Variants in SETD1B observed in about 807,000 individuals in gnomAD.
The protein encoded by SETD1B is histone-lysine N-methyltransferase SETD1B.
In SETD1B, 7 loss-of-function variants were observed where a neutral mutation model predicts 148.0. That is an observed-to-expected ratio of 0.05 (90% CI 0.03 to 0.09). The LOEUF is 0.09. Among genes scored for constraint, SETD1B ranks in the 10% least tolerant of loss-of-function variants. The probability of loss-of-function intolerance (pLI) is 1.00; values close to 1 mark genes in which losing one functional copy is unlikely to be tolerated. For synonymous variants in SETD1B, 1,361 were observed against 1,186.5 expected, an observed-to-expected ratio of 1.15 and a Z score of -3.02; for missense variants, 2,155 against 2,729.9, an observed-to-expected ratio of 0.79 and a Z score of 4.69.
At position 121,822,829 on chromosome 12, in the gene SETD1B, T is replaced by G. The variant is rs1342415238; in HGVS notation, c.4250T>G (p.Leu1417Trp). Residue 1417 changes from leucine (L) to tryptophan (W), a missense_variant, in exon 12 of 17, where the codon TTG (leucine) becomes TGG (tryptophan). By Grantham distance (61) the Leu-to-Trp change is moderately conservative (BLOSUM62 -2). This residue lies in a region of SETD1B where 862 missense variants were observed against 873.8 expected (regional missense o/e 0.99). Transcript: ENST00000604567. ...PFSYPAPSPS[L>W]SSGGLPRTPG... The stretch of plus-strand genomic sequence containing the variant: ...TCCTACCCAGCCCCGTCCCCTAGCT[T>G]GAGCAGTGGGGGCCTCCCTCGGACA... The G allele has an allele frequency of 4.7e-6, 7 of 1,495,990 alleles. No homozygotes were observed. The highest frequency in any genetic ancestry group is 6.3e-6 in the Non-Finnish European group (7 of 1,116,816). 92.7% of individuals were successfully genotyped at this position (1,495,990 alleles called of 1,614,324 possible). A position where few individuals can be genotyped will look rare whatever the true frequency, so the allele number is the denominator to read the frequency against.
chr12:121,832,390 C>G lies in SETD1B; in HGVS notation c.*2151C>G, dbSNP rs1877136482. 6.5e-6 allele frequency: 1 copy of G among 153,586 alleles called. No homozygotes were observed. The highest frequency in any genetic ancestry group is 1.5e-5 in the Non-Finnish European group (1 of 68,788). 9.5% of individuals were successfully genotyped at this position (153,586 alleles called of 1,614,324 possible). ...TTCAACTCCCTCATTTTTCATTGAA[C>G]AAATCTCTGCTTTTCAAGAGTTGGG... On this transcript the variant is annotated 3_prime_UTR_variant, in exon 17 of 17. Transcript: ENST00000604567.
At position 121,823,167 on chromosome 12, in the gene SETD1B, C is replaced by G; in HGVS notation, c.4588C>G (p.Leu1530Val). Residue 1530 changes from leucine to valine, a missense_variant, in exon 12 of 17, where the codon CTC becomes GTC. By Grantham distance (32) the Leu-to-Val change is conservative. Around this residue, in one of 11 missense-constraint regions of SETD1B, gnomAD observed 862 missense variants for 873.8 expected, o/e 0.99. Transcript: ENST00000604567. ...GCCCCGGCGATCCCCACCATCTATGCTCTCCTTGGATGGGCCCTTGGTCCG... is the reference window on the plus strand; with the variant it reads ...GCCCCGGCGATCCCCACCATCTATGGTCTCCTTGGATGGGCCCTTGGTCCG... ...GRPRRSPPSM[L>V]SLDGPLVRPP... 6.5e-7 allele frequency: 1 copy of G among 1,543,448 alleles called. No individual in the cohort carries two copies. Among genetic ancestry groups the G allele is most frequent in the African/African-American group, 1.4e-5 (1 of 72,686 alleles).
intron 6 of SETD1B, among the ~76,000 whole-genome samples, chr12:121,811,233 A>AGGG (rs1422859284): frequency 6.6e-6 from 1 of 152,180 alleles, no homozygotes; most frequent in Non-Finnish European, 1.5e-5. Flanking sequence ...GGGAATGATC[A>AGGG]GGGAGAGTCC....
chr12:121,826,114 T>A (rs1876828655), intron 13 of SETD1B, among the ~76,000 whole-genome samples: 1 of 152,164 alleles, frequency 6.6e-6, no homozygotes, highest in Non-Finnish European at 1.5e-5. Context: ...TCTCACTCTG[T>A]AGCCCAAGCT....
chr12:121,806,189 C>G, intron 4 of SETD1B, 84 bp downstream of exon 4: 2 of 1,426,958 alleles, frequency 1.4e-6, no homozygotes, highest in Non-Finnish European at 1.9e-6. Flanking sequence ...TGGGGAGGAC[C>G]CCCCCTCACT....
Position 121,831,766 on chromosome 12 carries a change from CT to C in SETD1B, c.*1528del, listed in dbSNP as rs1360466022. The C allele has an allele frequency of 6.6e-6, 1 of 152,248 alleles. No individual in the cohort carries two copies. The highest frequency in any genetic ancestry group is 1.5e-5 in the Non-Finnish European group (1 of 68,046). The allele number at this position is 152,248 out of a possible 1,614,324, so 9.4% of individuals were successfully genotyped here. A position where few individuals can be genotyped will look rare whatever the true frequency, so the allele number is the denominator to read the frequency against. ...GCTCCATGAGGGAGCTGCTCCCACC[CT>C]GCGGACGCAGGCGGCCGGAGCCTCT... On this transcript the variant is annotated 3_prime_UTR_variant, in exon 17 of 17. Transcript: ENST00000604567.
the SETD1B span, among the ~76,000 whole-genome samples, chr12:121,790,307 CTG>C: frequency 5.3e-5 from 8 of 152,270 alleles, no homozygotes; most frequent in Non-Finnish European, 4.4e-5. Flanking sequence ...CCTTCCGCCA[CTG>C]TGTGTGGCCC....
upstream of SETD1B, chr12:121,799,717 T>TGGGGGGGGGGGGGGGG (rs1456064145): frequency 7.3e-4 from 14 of 19,134 alleles, 1 homozygote; most frequent in Admixed American, 1.2e-3. Flanking sequence ...CGCTCGCAGC[T>TGGGGGGGGGGGGGGGG]GGGGGGGGGG....
chr12:121,814,270 T>A lies in SETD1B; in HGVS notation c.2055T>A (p.Pro685=). 1 of 862,014 alleles carries A rather than the reference T, an allele frequency of 1.2e-6. No individual in the cohort carries two copies. The allele number at this position is 862,014 out of a possible 1,614,324, so 53.4% of individuals were successfully genotyped here. ...LAPTLPLPPP[P]GFPPLPPPPP... The stretch of plus-strand genomic sequence containing the variant: ...CAACCCTGCCGCTGCCCCCGCCACC[T>A]GGCTTCCCCCCGCTGCCCCCCCCAC... Residue 685 remains proline, a synonymous_variant, in exon 7 of 17, where the codon CCT becomes CCA. Transcript: ENST00000604567.
chr12:121,815,074 TC>T (rs1876226637), intron 7 of SETD1B, 144 bp downstream of exon 7: 1 of 779,998 alleles, frequency 1.3e-6, no homozygotes, highest in African/African-American at 1.8e-5. Context: ...GTGGCCACTT[TC>T]AAAGTTCCGC....
At chr12:121,825,506 GAGAGGC>G (rs2137584919) in intron 13 of SETD1B, 140 bp downstream of exon 13, 21 of 428,696 alleles carry the variant, frequency 4.9e-5, no homozygotes, top group East Asian at 1.1e-4. Context: ...AGTGGAAGGG[GAGAGGC>G]GGGTGGGCGG....
Position 121,804,666 on chromosome 12 carries a change from G to GTA in SETD1B, c.-14-57_-14-56dup. 1 of 1,474,012 alleles carries GTA rather than the reference G, an allele frequency of 6.8e-7. No homozygotes were observed. Among genetic ancestry groups the GTA allele is most frequent in the East Asian group, 2.5e-5 (1 of 40,448 alleles). The allele number at this position is 1,474,012 out of a possible 1,614,324, so 91.3% of individuals were successfully genotyped here. ...GCCGATTGGATTCTTTCGCGTGTGT[G>GTA]TAGAAGCGGCCGCCGCCGCCGCCGC... On this transcript the variant is annotated intron_variant, in intron 1 of 16. Transcript: ENST00000604567. The surrounding 1 kb of genome is among the most constrained non-coding windows in gnomAD (Gnocchi z 4.6).
intron 4 of SETD1B, 56 bp downstream of exon 4, chr12:121,806,161 C>G (rs918951536): frequency 6.6e-7 from 1 of 1,522,484 alleles, no homozygotes; most frequent in Non-Finnish European, 8.9e-7. Context: ...CCTTTCCCTC[C>G]CCACCCTTCC....
intron 11 of SETD1B, 45 bp from the exon 12 acceptor site, chr12:121,822,445 T>C (rs2137577095): frequency 6.7e-7 from 1 of 1,486,432 alleles, no homozygotes; most frequent in Non-Finnish European, 9.0e-7. Flanking sequence ...TGAGAGACGT[T>C]TGGATTGAAT....
the SETD1B span, chr12:121,793,069 G>A: frequency 2.5e-6 from 3 of 1,191,970 alleles, no homozygotes; most frequent in Middle Eastern, 5.4e-4. Flanking sequence ...TGCAGGGCGG[G>A]GACACCCAGT....
At chr12:121,825,094 G>A in intron 12 of SETD1B, 106 bp from the exon 13 acceptor site, 4 of 1,211,338 alleles carry the variant, frequency 3.3e-6, no homozygotes, top group South Asian at 3.0e-5. Flanking sequence ...CAGTAGAACT[G>A]GACATCGCTG....
chr12:121,812,254 A>C (rs1175437018), intron 6 of SETD1B, among the ~76,000 whole-genome samples: 1 of 152,132 alleles, frequency 6.6e-6, no homozygotes, highest in Non-Finnish European at 1.5e-5. Context: ...AGGCGGGGCC[A>C]GCCGAGGGTG....
chr12:121,792,827 G>C, the SETD1B span, among the ~76,000 whole-genome samples: 1 of 152,258 alleles, frequency 6.6e-6, no homozygotes, highest in Non-Finnish European at 1.5e-5. Context: ...ACAGCAGGTA[G>C]CGCAGCAATC....
At position 121,823,525 on chromosome 12, in the gene SETD1B, G is replaced by A. The variant is rs188682228; in HGVS notation, c.4946G>A (p.Arg1649His). The change falls in exon 12 of 17, where the codon CGC (arginine) becomes CAC (histidine). Residue 1649 changes from arginine to histidine, a missense_variant. Around this residue, in one of 11 missense-constraint regions of SETD1B, gnomAD observed 862 missense variants for 873.8 expected, o/e 0.99. Coordinates refer to ENST00000604567, the MANE Select transcript of SETD1B (RefSeq NM_001353345.2). ...RGPWRRPPKK[R>H]HEDLVPPAGS... The stretch of plus-strand genomic sequence containing the variant: ...CCGTGGCGCCGGCCACCTAAGAAGC[G>A]CCATGAGGACCTGGTGCCACCTGCG... 1.4e-3 allele frequency: 2,132 copies of A among 1,550,894 alleles called. 28 individuals are homozygous for A. The highest frequency in any genetic ancestry group is 4.3e-4 in the Admixed American group (22 of 51,000).
Sources: allele counts gnomAD v4.1 joint callset (sites outside exome capture counted in the v4.1 genomes callset), GRCh38; gene constraint gnomAD v4.1.1; regional missense constraint gnomAD v4.1.1; non-coding constraint Gnocchi (gnomAD v3.1); transcripts MANE v1.5; gene names NCBI Gene and HGNC (gene_info 2026-07-23, HGNC 2026-07-21).